Variants in CEP162 observed in about 807,000 individuals in gnomAD.
The protein encoded by CEP162 is centrosomal protein of 162 kDa.
CEP162 carries 141 observed loss-of-function variants against 169.2 expected under a neutral mutation model. The ratio of observed to expected loss-of-function variants is 0.83; its 90% CI spans 0.73 to 0.96. The LOEUF (loss-of-function observed/expected upper bound fraction) is 0.96. Among genes scored for constraint, CEP162 ranks in the 40% least tolerant of loss-of-function variants. CEP162 has a pLI of 0.00. For synonymous variants in CEP162, 540 were observed against 526.4 expected, an observed-to-expected ratio of 1.03 and a Z score of -0.35; for missense variants, 1,600 against 1,587.2, an observed-to-expected ratio of 1.01 and a Z score of -0.14.
intron 25 of CEP162, among the ~76,000 whole-genome samples, chr6:84,130,097 C>A (rs745975189): frequency 6.6e-6 from 1 of 152,108 alleles, no homozygotes; most frequent in Non-Finnish European, 1.5e-5. Flanking sequence ...TCGAAGGCCT[C>A]TTCTGCATCT....
chr6:84,203,564 T>C lies in CEP162; in HGVS notation c.687+417A>G, dbSNP rs142178980. ...GGCTCAAGTGATCCTCCCACCTCAG[T>C]CTCCTAAGTAGCTGGGACTACAGGC... On this transcript the variant is annotated intron_variant, in intron 7 of 26. Transcript: ENST00000403245. 3.4e-3 allele frequency among the ~76,000 whole-genome samples: 524 copies of C among 152,118 alleles called. 3 individuals carry two copies. Among genetic ancestry groups the C allele is most frequent in the African/African-American group, 0.012 (482 of 41,500 alleles).
chr6:84,148,839 C>CT (rs1347796443), intron 24 of CEP162, among the ~76,000 whole-genome samples: 17 of 151,966 alleles, frequency 1.1e-4, no homozygotes, highest in African/African-American at 4.1e-4. Flanking sequence ...CCACCTTTTT[C>CT]TTTTTCTTGG....
intron 18 of CEP162, among the ~76,000 whole-genome samples, chr6:84,164,658 G>T (rs941604852): frequency 6.6e-6 from 1 of 152,128 alleles, no homozygotes; most frequent in Non-Finnish European, 1.5e-5. Context: ...AGAACACATG[G>T]ACACAGGGAG....
In CEP162 at chr6:84,149,541, TAA is replaced by T; in HGVS notation, c.3771+19_3771+20del. The T allele has an allele frequency of 6.4e-7, 1 of 1,554,874 alleles. No individual in the cohort carries two copies. Among genetic ancestry groups the T allele is most frequent in the South Asian group, 1.2e-5 (1 of 80,906 alleles). On this transcript the variant is annotated intron_variant, in intron 24 of 26. Coordinates refer to ENST00000403245, the MANE Select transcript of CEP162 (RefSeq NM_014895.4). Reference sequence around the variant, plus strand: ...AAACGAGTTTATTCAAGTCAAAAGATAAAACAGATTTGTCATCTACCTCTTGA... The same window carrying T: ...AAACGAGTTTATTCAAGTCAAAAGATAACAGATTTGTCATCTACCTCTTGA...
intron 11 of CEP162, among the ~76,000 whole-genome samples, chr6:84,188,545 G>A (rs2099538255): frequency 6.6e-6 from 1 of 152,108 alleles, no homozygotes; most frequent in Non-Finnish European, 1.5e-5. Context: ...ATCCATGTTG[G>A]TGCAAAGAAC....
intron 18 of CEP162, among the ~76,000 whole-genome samples, chr6:84,167,815 T>A (rs924190646): frequency 6.6e-6 from 1 of 152,144 alleles, no homozygotes; most frequent in African/African-American, 2.4e-5. Context: ...AGAGACCAAG[T>A]TAAGACAGAA....
At chr6:84,153,319 G>A in intron 22 of CEP162, 140 bp from the exon 23 acceptor site, 1 of 697,920 alleles carries the variant, frequency 1.4e-6, no homozygotes, top group Non-Finnish European at 2.2e-6. Flanking sequence ...TCTGTTTCTT[G>A]AGTGAGTCAA....
At chr6:84,187,141 A>G (rs1051702186) in intron 11 of CEP162, among the ~76,000 whole-genome samples, 1 of 152,164 alleles carries the variant, frequency 6.6e-6, no homozygotes, top group Admixed American at 6.5e-5. Flanking sequence ...TTTAATGTAA[A>G]ACAGAAAAAT....
intron 11 of CEP162, among the ~76,000 whole-genome samples, chr6:84,188,522 G>A (rs2099538249): frequency 1.3e-5 from 2 of 152,136 alleles, no homozygotes; most frequent in Non-Finnish European, 2.9e-5. Context: ...TTAGGACAAT[G>A]GCCTCTAGCT....
chr6:84,223,363 G>A (rs1425688469), intron 2 of CEP162, among the ~76,000 whole-genome samples: 1 of 151,854 alleles, frequency 6.6e-6, no homozygotes, highest in African/African-American at 2.4e-5. Flanking sequence ...GCTGGGCGTG[G>A]TGGCGCATGC....
At position 84,199,022 on chromosome 6, in the gene CEP162, C is replaced by T. The variant is rs1054776928; in HGVS notation, c.835+1767G>A. 3.9e-5 allele frequency among the ~76,000 whole-genome samples: 6 copies of T among 152,098 alleles called. 1 individual carries two copies. Among genetic ancestry groups the T allele is most frequent in the South Asian group, 4.1e-4 (2 of 4,830 alleles). On this transcript the variant is annotated intron_variant, in intron 9 of 26. Transcript: ENST00000403245. ...TTTCTTTTTTACTGGTTTTAATGCT[C>T]ATCTCAGAATAAAGTTTCTCTGGTC...
Position 84,152,542 on chromosome 6 carries a change from T to C in CEP162, c.3629+3A>G, listed in dbSNP as rs761126214. 2.2e-6 allele frequency: 3 copies of C among 1,360,802 alleles called. No individual in the cohort carries two copies. The highest frequency in any genetic ancestry group is 1.9e-6 in the Non-Finnish European group (2 of 1,028,974). The allele number at this position is 1,360,802 out of a possible 1,614,324, so 84.3% of individuals were successfully genotyped here. On this transcript the variant is annotated splice_donor_region_variant and intron_variant, in intron 23 of 26. Transcript: ENST00000403245. ...AATATTTATAAATAATTTAACATTTTACCTTCTCATGGAGTTTTCAAATTG... is the reference window on the plus strand; with the variant it reads ...AATATTTATAAATAATTTAACATTTCACCTTCTCATGGAGTTTTCAAATTG...
chr6:84,161,799 C>T lies in CEP162; in HGVS notation c.2623G>A (p.Asp875Asn). Residue 875 changes from aspartate to asparagine, a missense_variant, in exon 20 of 27, where the codon GAT (aspartate) becomes AAT (asparagine). By Grantham distance (23) the Asp-to-Asn change is conservative. Transcript: ENST00000403245. Reference sequence around the variant, plus strand: ...TTTGCTTCTCTAAGCCGAAGTGCATCTTTATCCAGAAGTTCCTGATTTTCA... The same window carrying T: ...TTTGCTTCTCTAAGCCGAAGTGCATTTTTATCCAGAAGTTCCTGATTTTCA... ...YAENQELLDK[D>N]ALRLREANEE... 6.2e-7 allele frequency: 1 copy of T among 1,602,562 alleles called. No individual in the cohort carries two copies. Among genetic ancestry groups the T allele is most frequent in the Non-Finnish European group, 8.5e-7 (1 of 1,173,634 alleles).
Position 84,161,881 on chromosome 6 carries a change from TA to T in CEP162, c.2540del (p.Leu847Ter). 6.4e-7 allele frequency: 1 copy of T among 1,554,624 alleles called. No individual in the cohort carries two copies. The highest frequency in any genetic ancestry group is 8.8e-7 in the Non-Finnish European group (1 of 1,141,604). On this transcript the variant is annotated frameshift_variant, in exon 20 of 27. Transcript: ENST00000403245. LOFTEE classifies it high-confidence loss of function. The stretch of plus-strand genomic sequence containing the variant: ...TGATTTCTTGTTTATGTGTTTCTTC[TA>T]AAATTTTTATTTCATATAATTTCTC... Reference protein sequence around the residue: ...TGEKLYEIKILEETHKQEISR... With the variant: ...TGEKLYEIKIXEETHKQEISR...
At chr6:84,157,814 T>C (rs2099523840) in intron 21 of CEP162, among the ~76,000 whole-genome samples, 1 of 152,166 alleles carries the variant, frequency 6.6e-6, no homozygotes, top group South Asian at 2.1e-4. Context: ...TGCACATGAG[T>C]GTGTAAACTT....
chr6:84,174,264 A>G, intron 15 of CEP162, 76 bp from the exon 16 acceptor site: 1 of 1,160,214 alleles, frequency 8.6e-7, no homozygotes, highest in South Asian at 1.5e-5. Context: ...ATAACAGGAA[A>G]CTCCTATTTA....
At position 84,193,502 on chromosome 6, in the gene CEP162, G is replaced by A; in HGVS notation, c.1109+107C>T. ...AAAAGAAGAGAGTTATGACTCACAG[G>A]TAGAGTCAAGCTAGTATTAGTCATT... On this transcript the variant is annotated intron_variant, in intron 11 of 26. Coordinates refer to ENST00000403245, the MANE Select transcript of CEP162 (RefSeq NM_014895.4). The A allele has an allele frequency of 5.2e-6, 3 of 575,526 alleles. No homozygotes were observed. The South Asian group carries it at 6.9e-5, about 13-fold the overall frequency. 35.7% of individuals were successfully genotyped at this position (575,526 alleles called of 1,614,324 possible).
intron 23 of CEP162, 112 bp from the exon 24 acceptor site, chr6:84,149,815 G>A (rs970115412): frequency 1.4e-5 from 12 of 840,418 alleles, no homozygotes; most frequent in Admixed American, 3.0e-5. Flanking sequence ...GGGAAAATGG[G>A]CACCAATATT....
At chr6:84,222,585 C>A (rs950523556) in intron 2 of CEP162, among the ~76,000 whole-genome samples, 6 of 152,236 alleles carry the variant, frequency 3.9e-5, no homozygotes, top group African/African-American at 1.4e-4. Context: ...CATGGTGAAA[C>A]TGAAGCTCTA....
Sources: allele counts gnomAD v4.1 joint callset (sites outside exome capture counted in the v4.1 genomes callset), GRCh38; gene constraint gnomAD v4.1.1; transcripts MANE v1.5; gene names NCBI Gene and HGNC (gene_info 2026-07-23, HGNC 2026-07-21).